RGSL1: variants seen among roughly 807,000 people sequenced by gnomAD.
RGSL1 encodes regulator of G protein signaling protein-like.
Under a neutral mutation model 124.7 loss-of-function variants are expected in RGSL1, and 97 were observed. The observed-to-expected ratio is 0.78, with a 90% CI of 0.66 to 0.92. RGSL1 has a LOEUF of 0.92. RGSL1 is among the 40% of genes least tolerant of loss of function. The probability of loss-of-function intolerance (pLI) is 0.00; values close to 1 mark genes in which losing one functional copy is unlikely to be tolerated. For synonymous variants in RGSL1, 424 were observed against 438.1 expected (o/e 0.97, Z 0.40); for missense variants, 1,233 against 1,288.4 (o/e 0.96, Z 0.66).
At chr1:182,453,883 C>A in intron 1 of RGSL1, 75 bp from the exon 2 acceptor site, 3 of 792,116 alleles carry the variant, frequency 3.8e-6, no homozygotes, top group Non-Finnish European at 6.4e-6. Flanking sequence ...ATGATCCATT[C>A]GATTGCTTCA....
At chr1:182,509,787 C>G (rs1235803736) in intron 9 of RGSL1, among the ~76,000 whole-genome samples, 49 of 133,170 alleles carry the variant, frequency 3.7e-4, no homozygotes, top group African/African-American at 1.4e-3. Context: ...ACCTCCCTCC[C>G]GGATGGGGCG....
At position 182,522,049 on chromosome 1, in the gene RGSL1, C is replaced by G; in HGVS notation, c.1871C>G (p.Ser624Ter). 1 of 1,548,936 alleles carries G rather than the reference C, an allele frequency of 6.5e-7. No individual in the cohort carries two copies. The highest frequency in any genetic ancestry group is 8.7e-7 in the Non-Finnish European group (1 of 1,146,194). Residue 624 changes from serine (S) to a stop codon, truncating the protein, a stop_gained, in exon 10 of 22, where the codon TCA becomes TGA. Transcript: ENST00000294854. LOFTEE classifies it high-confidence loss of function. ...IIKETKTVSR[S>*]NRKMSLLKRT... ...AAGGAAACAAAGACAGTTTCACGCT[C>G]AAATAGGAAAATGTCCTTGCTCAAA...
chr1:182,549,483 TC>T (rs1168799368), intron 17 of RGSL1: 1 of 152,420 alleles, frequency 6.6e-6, no homozygotes, highest in African/African-American at 2.4e-5. Flanking sequence ...TTCTAACCTG[TC>T]CTGTGGAGAT....
At position 182,450,171 on chromosome 1, in the gene RGSL1, C is replaced by A. The variant is rs1019871324; in HGVS notation, c.6C>A (p.Ser2Arg). Residue 2 changes from serine (S) to arginine (R), a missense_variant, in exon 1 of 22, where the codon AGC (serine) becomes AGA (arginine). Coordinates refer to ENST00000294854, the MANE Select transcript of RGSL1 (RefSeq NM_001137669.2). MSSAEIIGSTNL... is the reference protein window; with the variant it reads MRSAEIIGSTNL... ...GTCAGGAAGAGCATGGCAACATGAG[C>A]AGTGCTGGTGAGTCTCTGCCAGGGA... is the stretch of plus-strand genomic sequence containing the variant. 2 of 1,551,980 alleles carry A rather than the reference C, an allele frequency of 1.3e-6. No individual in the cohort carries two copies. The highest frequency in any genetic ancestry group is 1.4e-5 in the African/African-American group (1 of 73,040).
intron 1 of RGSL1, among the ~76,000 whole-genome samples, chr1:182,452,456 C>CTT (rs1210477540): frequency 3.5e-5 from 5 of 142,218 alleles, no homozygotes; most frequent in East Asian, 4.1e-4. Flanking sequence ...TCTGGGTTTC[C>CTT]TTTTTTTTTT....
In RGSL1 at chr1:182,474,052, A is replaced by G; in HGVS notation, c.941A>G (p.Tyr314Cys). The change falls in exon 6 of 22, where the codon TAT (tyrosine) becomes TGT (cysteine). Residue 314 changes from tyrosine to cysteine, a missense_variant. By Grantham distance (194) the Tyr-to-Cys change is radical. Coordinates refer to ENST00000294854, the MANE Select transcript of RGSL1 (RefSeq NM_001137669.2). Reference protein sequence around the residue: ...RISSLEKDMHYAKISSMENKA... With the variant: ...RISSLEKDMHCAKISSMENKA... ...AGTTCCCTGGAAAAGGATATGCATT[A>G]TGCAAAAATATCCAGCATGGAGAAT... 2 of 1,551,830 alleles carry G rather than the reference A, an allele frequency of 1.3e-6. No homozygotes were observed. Among genetic ancestry groups the G allele is most frequent in the Non-Finnish European group, 1.7e-6 (2 of 1,147,008 alleles).
chr1:182,467,019 G>C (rs1172872438), intron 4 of RGSL1, among the ~76,000 whole-genome samples: 1 of 152,110 alleles, frequency 6.6e-6, no homozygotes, highest in African/African-American at 2.4e-5. Flanking sequence ...ATTCACAATT[G>C]CTTCAAAGAG....
chr1:182,548,468 C>A lies in RGSL1; in HGVS notation c.2808+13C>A. ...TCCAAAGCTGAGGGTAAGAAAGACT[C>A]CCACTCCACTCTGGCCTTTCACCAA... On this transcript the variant is annotated intron_variant, in intron 16 of 21. Transcript: ENST00000294854. 1 of 1,551,378 alleles carries A rather than the reference C, an allele frequency of 6.4e-7. No homozygotes were observed. The highest frequency in any genetic ancestry group is 1.2e-5 in the South Asian group (1 of 83,948).
In RGSL1 at chr1:182,548,193, G is replaced by A. The variant is rs536557892; in HGVS notation, c.2670-124G>A. The A allele has an allele frequency of 4.1e-6, 4 of 969,806 alleles. No homozygotes were observed. The South Asian group carries it at 4.4e-5, about 11-fold the overall frequency. 60.1% of individuals were successfully genotyped at this position (969,806 alleles called of 1,614,324 possible). On this transcript the variant is annotated intron_variant, in intron 15 of 21. Transcript: ENST00000294854. ...GATGAATTATGACTGAATGAATAAA[G>A]TCACAACCTGGCCTAGAACTGGCCT...
chr1:182,471,134 AC>A, intron 4 of RGSL1: 1 of 371,962 alleles, frequency 2.7e-6, no homozygotes, highest in South Asian at 2.0e-5. Context: ...CTTCAAAAGC[AC>A]CACATAATCT....
Position 182,526,502 on chromosome 1 carries a change from T to TAA in RGSL1, c.1932-1067_1932-1066dup, listed in dbSNP as rs201438323. Among the ~76,000 whole-genome samples, 474 of 147,812 alleles carry TAA rather than the reference T, an allele frequency of 3.2e-3. 4 individuals carry two copies. The highest frequency in any genetic ancestry group is 0.03 in the East Asian group (152 of 5,092). Reference sequence around the variant, plus strand: ...GGGCAACATGGTGAAACTCCGTCTCTAAAAAAAAAAACACAAACATTATTA... The same window carrying TAA: ...GGGCAACATGGTGAAACTCCGTCTCTAAAAAAAAAAAAACACAAACATTATTA... On this transcript the variant is annotated intron_variant, in intron 10 of 21. Transcript: ENST00000294854.
At chr1:182,523,446 G>T (rs970296570) in intron 10 of RGSL1, among the ~76,000 whole-genome samples, 4 of 152,038 alleles carry the variant, frequency 2.6e-5, no homozygotes, top group African/African-American at 9.7e-5. Context: ...TATTCTCTGA[G>T]GTTCAATCAT....
chr1:182,499,296 G>T lies in RGSL1; in HGVS notation c.1825+6167G>T, dbSNP rs547654455. On this transcript the variant is annotated intron_variant, in intron 9 of 21. Coordinates refer to ENST00000294854, the MANE Select transcript of RGSL1 (RefSeq NM_001137669.2). ...TGTTGAAGTCTCCCACTGTTATTGT[G>T]TGATTGTCTAAGTCTCTTCGCAGGT... 6.6e-5 allele frequency among the ~76,000 whole-genome samples: 10 copies of T among 152,302 alleles called. No homozygotes were observed. In the East Asian group the frequency reaches 1.7e-3, roughly 26 times the overall value.
chr1:182,542,316 G>C (rs1051564917), intron 15 of RGSL1, among the ~76,000 whole-genome samples: 1 of 152,168 alleles, frequency 6.6e-6, no homozygotes, highest in Non-Finnish European at 1.5e-5. Flanking sequence ...TTATTGAAGA[G>C]ACGGTCCTTT....
chr1:182,495,968 T>C (rs1036841903), intron 9 of RGSL1, among the ~76,000 whole-genome samples: 8 of 152,202 alleles, frequency 5.3e-5, no homozygotes, highest in African/African-American at 1.9e-4. Flanking sequence ...TTTATGACAG[T>C]ATAGTAATCT....
At chr1:182,509,636 C>T (rs1443196014) in intron 9 of RGSL1, among the ~76,000 whole-genome samples, 1 of 131,366 alleles carries the variant, frequency 7.6e-6, no homozygotes, top group Non-Finnish European at 1.7e-5. Flanking sequence ...CGCCCCTCAC[C>T]TCCCGGACGG....
At chr1:182,525,885 T>A (rs1441927730) in intron 10 of RGSL1, among the ~76,000 whole-genome samples, 1 of 152,108 alleles carries the variant, frequency 6.6e-6, no homozygotes, top group African/African-American at 2.4e-5. Flanking sequence ...ACACAGATAA[T>A]TAAAATCTGG....
chr1:182,489,328 T>A (rs1655352243), intron 8 of RGSL1, 126 bp downstream of exon 8: 3 of 814,660 alleles, frequency 3.7e-6, no homozygotes, highest in Non-Finnish European at 5.7e-6. Context: ...AATTTGGTCA[T>A]CAAAACAGCC....
At chr1:182,520,482 G>A (rs1658252157) in intron 9 of RGSL1, among the ~76,000 whole-genome samples, 1 of 152,136 alleles carries the variant, frequency 6.6e-6, no homozygotes, top group African/African-American at 2.4e-5. Flanking sequence ...TTTGTCTTGT[G>A]TCCCATTGTG....
Sources: gnomAD v4.1 joint callset for allele counts (sites outside exome capture counted in the v4.1 genomes callset) on GRCh38, gnomAD v4.1.1 for gene constraint, MANE v1.5 for transcripts, NCBI Gene and HGNC (gene_info 2026-07-23, HGNC 2026-07-21) for gene names.